The following PLLP variants were observed in gnomAD, a reference collection of about 807,000 sequenced individuals.
The protein encoded by PLLP is plasma membrane proteolipid (plasmolipin).
Under a neutral mutation model 19.7 loss-of-function variants are expected in PLLP, and 15 were observed. The ratio of observed to expected loss-of-function variants is 0.76; its 90% confidence interval spans 0.51 to 1.17. The LOEUF is 1.17. Among genes scored for constraint, PLLP ranks in the 50% most tolerant of loss-of-function variants. PLLP has a pLI of 0.00. For synonymous variants in PLLP, 111 were observed against 116.3 expected, an observed-to-expected ratio of 0.95 and a Z score of 0.29; for missense variants, 255 against 258.3, an observed-to-expected ratio of 0.99 and a Z score of 0.09.
At chr16:57,278,660 T>A (rs1257180692) in intron 1 of PLLP, among the ~76,000 whole-genome samples, 1 of 152,132 alleles carries the variant, frequency 6.6e-6, no homozygotes, top group Non-Finnish European at 1.5e-5. Context: ...GCAGTGGAGC[T>A]GGGTTGGATG....
At chr16:57,278,352 A>C (rs1901178958) in intron 1 of PLLP, among the ~76,000 whole-genome samples, 1 of 152,230 alleles carries the variant, frequency 6.6e-6, no homozygotes, top group African/African-American at 2.4e-5. Flanking sequence ...AGATGCACCA[A>C]GTATGAGAAA....
intron 1 of PLLP, among the ~76,000 whole-genome samples, chr16:57,268,297 G>A (rs2075463973): frequency 6.6e-6 from 1 of 152,208 alleles, no homozygotes; most frequent in Non-Finnish European, 1.5e-5. Flanking sequence ...CTGTGGATGG[G>A]TGTCATGACC....
intron 1 of PLLP, among the ~76,000 whole-genome samples, chr16:57,278,896 G>A (rs181918703): frequency 1.6e-4 from 24 of 152,256 alleles, no homozygotes; most frequent in African/African-American, 5.5e-4. Flanking sequence ...CAGAGGAGCT[G>A]GTCTGCCTCC....
At chr16:57,261,808 A>T in intron 2 of PLLP, 89 bp downstream of exon 2, 1 of 1,210,820 alleles carries the variant, frequency 8.3e-7, no homozygotes, top group Non-Finnish European at 1.2e-6. Context: ...TGAGGATGTC[A>T]GGCCACCCCC....
chr16:57,269,380 T>C (rs1328863459), intron 1 of PLLP, among the ~76,000 whole-genome samples: 1 of 152,114 alleles, frequency 6.6e-6, no homozygotes, highest in Non-Finnish European at 1.5e-5. Flanking sequence ...ACCTTTCTGG[T>C]CTGTTTCCTC....
Position 57,284,421 on chromosome 16 carries a change from G to A in PLLP, c.120C>T (p.Leu40=), listed in dbSNP as rs778134700. The A allele has an allele frequency of 1.4e-4, 194 of 1,423,688 alleles. No homozygotes were observed. Among genetic ancestry groups the A allele is most frequent in the Middle Eastern group, 1.8e-4 (1 of 5,422 alleles). 88.2% of individuals were successfully genotyped at this position (1,423,688 alleles called of 1,614,324 possible). ...LGFVRSRLGA[L]MLLQLVLGLL... is the part of the protein sequence containing the mutation. ...GTGCTCTCACCAGCTGCAGCAGCAT[G>A]AGCGCCCCGAGGCGGGAGCGCACGA... Residue 40 remains leucine (L), a synonymous_variant, in exon 1 of 4, where the codon CTC becomes CTT. Coordinates refer to ENST00000219207, the MANE Select transcript of PLLP (RefSeq NM_015993.3).
intron 1 of PLLP, among the ~76,000 whole-genome samples, chr16:57,262,775 G>A (rs1265675731): frequency 6.6e-6 from 1 of 152,032 alleles, no homozygotes; most frequent in Admixed American, 6.6e-5. Context: ...GACTTGGCTC[G>A]TGTGATACAC....
In PLLP at chr16:57,262,202, G is replaced by A. The variant is rs144996923; in HGVS notation, c.136-132C>T. 347 of 816,134 alleles carry A rather than the reference G, an allele frequency of 4.3e-4. 2 individuals are homozygous for A. The African/African-American group carries it at 5.0e-3, about 12-fold the overall frequency. The allele number at this position is 816,134 out of a possible 1,614,324, so 50.6% of individuals were successfully genotyped here. A position where few individuals can be genotyped will look rare whatever the true frequency, so the allele number is the denominator to read the frequency against. On this transcript the variant is annotated intron_variant, in intron 1 of 3. Transcript: ENST00000219207. Reference sequence around the variant, plus strand: ...TTTGGGAGCCCAAGGTGTAATAATCGCTGGAGGCCAGGAGTTCAAGACCAG... The same window carrying A: ...TTTGGGAGCCCAAGGTGTAATAATCACTGGAGGCCAGGAGTTCAAGACCAG...
chr16:57,284,532 C>A lies in PLLP; in HGVS notation c.9G>T (p.Glu3Asp). The change falls in exon 1 of 4, where the codon GAG becomes GAT. Residue 3 changes from glutamate to aspartate, a missense_variant. Transcript: ENST00000219207. ...TCCGCGTGCTAACTTTCGACGGGAA[C>A]TCGGCCATGGCGGCTCCGCTTGCCT... MA[E>D]FPSKVSTRTS... 7.2e-7 allele frequency: 1 copy of A among 1,379,992 alleles called. No individual in the cohort carries two copies. Among genetic ancestry groups the A allele is most frequent in the Non-Finnish European group, 9.5e-7 (1 of 1,057,148 alleles). The allele number at this position is 1,379,992 out of a possible 1,614,324, so 85.5% of individuals were successfully genotyped here. A position where few individuals can be genotyped will look rare whatever the true frequency, so the allele number is the denominator to read the frequency against.
chr16:57,278,337 C>T (rs1289710765), intron 1 of PLLP, among the ~76,000 whole-genome samples: 1 of 152,124 alleles, frequency 6.6e-6, no homozygotes, highest in Non-Finnish European at 1.5e-5. Flanking sequence ...ACAAGAAGAG[C>T]TCTCAGATGC....
intron 1 of PLLP, among the ~76,000 whole-genome samples, chr16:57,270,576 T>C (rs932902250): frequency 2.0e-5 from 3 of 151,838 alleles, no homozygotes; most frequent in African/African-American, 7.3e-5. Flanking sequence ...ACCCCCGCTC[T>C]GGCCCTTCTC....
chr16:57,267,738 G>A (rs1305454392), intron 1 of PLLP, among the ~76,000 whole-genome samples: 1 of 151,696 alleles, frequency 6.6e-6, no homozygotes, highest in African/African-American at 2.4e-5. Flanking sequence ...AATTAGCCAG[G>A]CATGGTGGCA....
intron 1 of PLLP, among the ~76,000 whole-genome samples, chr16:57,264,357 G>A (rs1426728091): frequency 2.6e-5 from 4 of 152,232 alleles, no homozygotes; most frequent in Non-Finnish European, 5.9e-5. Context: ...GTGGCTGTGT[G>A]ATGCTGACCG....
chr16:57,262,606 G>A (rs1023873958), intron 1 of PLLP, among the ~76,000 whole-genome samples: 1 of 152,046 alleles, frequency 6.6e-6, no homozygotes, highest in Non-Finnish European at 1.5e-5. Context: ...ATGGTGGTGC[G>A]CACCTGTGGT....
intron 2 of PLLP, among the ~76,000 whole-genome samples, chr16:57,260,322 A>G (rs1414789143): frequency 6.6e-6 from 1 of 152,168 alleles, no homozygotes; most frequent in Non-Finnish European, 1.5e-5. Flanking sequence ...CCACGGCTGG[A>G]GCCCCAAATC....
intron 1 of PLLP, among the ~76,000 whole-genome samples, chr16:57,263,552 C>T (rs8046668): frequency 0.84 from 127,793 of 152,228 alleles, 53,952 homozygotes; most frequent in Middle Eastern, 0.93. Context: ...TGCACAGGCC[C>T]CAGCCCTCAC....
intron 1 of PLLP, among the ~76,000 whole-genome samples, chr16:57,270,628 T>C (rs2075471808): frequency 1.3e-5 from 2 of 151,686 alleles, no homozygotes; most frequent in African/African-American, 4.8e-5. Context: ...AAGCCACCCA[T>C]TGTATCACAC....
intron 1 of PLLP, 114 bp from the exon 2 acceptor site, chr16:57,262,184 G>C (rs1051016923): frequency 5.0e-6 from 5 of 994,104 alleles, no homozygotes; most frequent in Non-Finnish European, 7.6e-6. Flanking sequence ...CACTTTGGGA[G>C]CCCAAGGTGT....
At chr16:57,267,900 G>GAAAGA (rs1388522871) in intron 1 of PLLP, among the ~76,000 whole-genome samples, 2 of 150,198 alleles carry the variant, frequency 1.3e-5, no homozygotes, top group Non-Finnish European at 3.0e-5. Flanking sequence ...AAGAAAGAAA[G>GAAAGA]AAAGAAAAGA....
Sources: allele counts gnomAD v4.1 joint callset (sites outside exome capture counted in the v4.1 genomes callset), GRCh38; gene constraint gnomAD v4.1.1; transcripts MANE v1.5; gene names NCBI Gene and HGNC (gene_info 2026-07-23, HGNC 2026-07-21).